TRAPPC9: variants seen among roughly 807,000 people sequenced by gnomAD.
TRAPPC9 encodes the protein trafficking protein particle complex subunit 9.
In TRAPPC9, 83 loss-of-function variants were observed where a neutral mutation model predicts 124.0. The observed-to-expected ratio is 0.67, with a 90% CI of 0.56 to 0.80. The LOEUF (loss-of-function observed/expected upper bound fraction) is 0.80, where lower values mean the gene tolerates loss of function less well. TRAPPC9 is among the 30% of genes least tolerant of loss of function. The probability of loss-of-function intolerance (pLI) is 0.00; values close to 1 mark genes in which losing one functional copy is unlikely to be tolerated. For missense variants in TRAPPC9, 1,302 were observed against 1,508.3 expected, an observed-to-expected ratio of 0.86 and a Z score of 2.27; for synonymous variants, 638 against 617.5, an observed-to-expected ratio of 1.03 and a Z score of -0.49.
chr8:139,942,289 G>A (rs953681611), intron 19 of TRAPPC9, among the ~76,000 whole-genome samples: 2 of 152,166 alleles, frequency 1.3e-5, no homozygotes, highest in Non-Finnish European at 1.5e-5. Context: ...GTCGGTTAAG[G>A]AATAGACACC....
intron 5 of TRAPPC9, among the ~76,000 whole-genome samples, chr8:140,419,354 C>T (rs112985853): frequency 3.9e-5 from 5 of 128,972 alleles, no homozygotes; most frequent in African/African-American, 2.8e-5. Flanking sequence ...GCGTGAACCT[C>T]GGAGGTGGAG....
chr8:140,200,288 C>T (rs2062757241), intron 17 of TRAPPC9, among the ~76,000 whole-genome samples: 1 of 152,154 alleles, frequency 6.6e-6, no homozygotes, highest in Non-Finnish European at 1.5e-5. Flanking sequence ...GCAAGGCCAA[C>T]CGGGACAAGA....
chr8:140,142,319 C>T (rs2061395459), intron 17 of TRAPPC9, among the ~76,000 whole-genome samples: 1 of 152,250 alleles, frequency 6.6e-6, no homozygotes, highest in Non-Finnish European at 1.5e-5. Context: ...GACAATGTGA[C>T]ATCTGATGAC....
At position 140,225,099 on chromosome 8, in the gene TRAPPC9, T is replaced by C. The variant is rs142457375; in HGVS notation, c.2432-3516A>G. Among the ~76,000 whole-genome samples, 495 of 152,322 alleles carry C rather than the reference T, an allele frequency of 3.2e-3. 4 individuals carry two copies. Among genetic ancestry groups the C allele is most frequent in the African/African-American group, 0.011 (477 of 41,574 alleles). ...CATAGGAAGGATTTATCACAACGCC[T>C]GGTACGGGGCAAGCATTCAGTAAAA... On this transcript the variant is annotated intron_variant, in intron 16 of 22. Transcript: ENST00000438773.
chr8:140,349,216 CACA>C (rs1563964244), intron 9 of TRAPPC9, among the ~76,000 whole-genome samples: 77 of 87,782 alleles, frequency 8.8e-4, no homozygotes, highest in African/African-American at 3.3e-3. Flanking sequence ...GAGGGAAGGG[CACA>C]GAAGGGGGCC....
chr8:139,869,411 C>A (rs926047423), intron 21 of TRAPPC9, among the ~76,000 whole-genome samples: 1 of 152,164 alleles, frequency 6.6e-6, no homozygotes, highest in Non-Finnish European at 1.5e-5. Flanking sequence ...GTGCCACAGG[C>A]CATCAGCATT....
chr8:140,254,726 G>A (rs1351059228), intron 15 of TRAPPC9, among the ~76,000 whole-genome samples: 1 of 152,190 alleles, frequency 6.6e-6, no homozygotes, highest in Non-Finnish European at 1.5e-5. Flanking sequence ...AGTTTTTTAT[G>A]CTGAACGTCT....
intron 18 of TRAPPC9, among the ~76,000 whole-genome samples, chr8:140,001,244 G>A (rs1452301228): frequency 2.0e-5 from 3 of 152,080 alleles, no homozygotes; most frequent in Non-Finnish European, 4.4e-5. Flanking sequence ...CACACCAGGG[G>A]GGTGAGGGGC....
intron 17 of TRAPPC9, among the ~76,000 whole-genome samples, chr8:140,143,063 G>A (rs1381372972): frequency 6.6e-6 from 1 of 152,208 alleles, no homozygotes; most frequent in African/African-American, 2.4e-5. Context: ...ATGAGTGGCT[G>A]GAGCTCCACA....
chr8:140,088,794 G>A (rs1018372213), intron 17 of TRAPPC9, among the ~76,000 whole-genome samples: 4 of 152,024 alleles, frequency 2.6e-5, no homozygotes, highest in African/African-American at 7.2e-5. Flanking sequence ...ACTTCACTTC[G>A]ACTTATTTTT....
chr8:140,180,915 T>C (rs1304687665), intron 17 of TRAPPC9, among the ~76,000 whole-genome samples: 1 of 152,154 alleles, frequency 6.6e-6, no homozygotes, highest in African/African-American at 2.4e-5. Context: ...GATCTGAGGA[T>C]TTATCATTCC....
intron 7 of TRAPPC9, among the ~76,000 whole-genome samples, chr8:140,394,934 C>T (rs914437500): frequency 2.0e-5 from 3 of 152,280 alleles, no homozygotes; most frequent in South Asian, 4.2e-4. Context: ...TGTGGCCCGG[C>T]GCAGTGCTGA....
chr8:139,892,229 G>C (rs1482041099), intron 20 of TRAPPC9, among the ~76,000 whole-genome samples: 1 of 152,144 alleles, frequency 6.6e-6, no homozygotes, highest in Non-Finnish European at 1.5e-5. Flanking sequence ...CCCCACCCCG[G>C]CATGGAGCCC....
At chr8:139,982,638 G>A (rs1836988050) in intron 19 of TRAPPC9, among the ~76,000 whole-genome samples, 1 of 152,178 alleles carries the variant, frequency 6.6e-6, no homozygotes, top group African/African-American at 2.4e-5. Flanking sequence ...TTACAGAACT[G>A]ATGTATCACA....
chr8:139,818,182 C>T (rs1314643130), intron 21 of TRAPPC9, among the ~76,000 whole-genome samples: 4 of 152,202 alleles, frequency 2.6e-5, no homozygotes, highest in Admixed American at 6.5e-5. Flanking sequence ...CAGCTTCCTG[C>T]ATGCATGCCC....
intron 2 of TRAPPC9, among the ~76,000 whole-genome samples, chr8:140,443,069 G>T (rs569585509): frequency 2.4e-4 from 32 of 131,836 alleles, no homozygotes; most frequent in African/African-American, 8.9e-4. Flanking sequence ...GAAGGCAGAG[G>T]TTGCAGTGAG....
At chr8:140,048,983 C>T (rs186364798) in intron 17 of TRAPPC9, among the ~76,000 whole-genome samples, 52 of 152,236 alleles carry the variant, frequency 3.4e-4, no homozygotes, top group African/African-American at 1.2e-3. Flanking sequence ...AAAGGAAACA[C>T]GAGAAGCTGA....
intron 17 of TRAPPC9, among the ~76,000 whole-genome samples, chr8:140,120,993 G>A (rs755515450): frequency 5.9e-5 from 9 of 152,228 alleles, no homozygotes; most frequent in Non-Finnish European, 1.0e-4. Flanking sequence ...AGGGGCATAT[G>A]CCATCAACAA....
At chr8:140,394,354 C>T (rs949827099) in intron 7 of TRAPPC9, among the ~76,000 whole-genome samples, 1 of 152,364 alleles carries the variant, frequency 6.6e-6, no homozygotes, top group Middle Eastern at 3.4e-3. Context: ...GATCATAACA[C>T]TTGCCCATCG....
Sources: allele counts gnomAD v4.1 joint callset (sites outside exome capture counted in the v4.1 genomes callset), GRCh38; gene constraint gnomAD v4.1.1; transcripts MANE v1.5; gene names NCBI Gene and HGNC (gene_info 2026-07-23, HGNC 2026-07-21).